The following MGAT4C variants were observed in gnomAD, a reference collection of about 807,000 sequenced individuals.
MGAT4C encodes alpha-1,3-mannosyl-glycoprotein 4-beta-N-acetylglucosaminyltransferase C.
A neutral mutation model predicts 40.1 loss-of-function variants in MGAT4C; 19 were observed. The ratio of observed to expected loss-of-function variants is 0.47; its 90% confidence interval spans 0.33 to 0.70. The LOEUF (loss-of-function observed/expected upper bound fraction) is 0.70. MGAT4C is among the 30% of genes least tolerant of loss of function. The probability of loss-of-function intolerance (pLI) is 0.02; values close to 1 mark genes in which losing one functional copy is unlikely to be tolerated. For missense variants in MGAT4C, 491 were observed against 563.2 expected (o/e 0.87, Z 1.30); for synonymous variants, 181 against 187.1 (o/e 0.97, Z 0.27).
rs75224953 is a variant in MGAT4C, at chr12:86,146,944, A to G, written c.-56-97221T>C. The stretch of plus-strand genomic sequence containing the variant: ...TATATTAAACTTCACCAACTCTGTA[A>G]AGTTTGGAAGTATTTCTACTGCACA... On this transcript the variant is annotated intron_variant, in intron 1 of 4. Transcript: ENST00000611864. Among the ~76,000 whole-genome samples, 1,167 of 152,216 alleles carry G rather than the reference A, an allele frequency of 7.7e-3. 10 individuals are homozygous for G. Among genetic ancestry groups the G allele is most frequent in the African/African-American group, 0.027 (1,124 of 41,544 alleles).
intron 1 of MGAT4C, among the ~76,000 whole-genome samples, chr12:86,161,322 C>G (rs1477976023): frequency 6.6e-6 from 1 of 151,940 alleles, no homozygotes; most frequent in Non-Finnish European, 1.5e-5. Flanking sequence ...CATAGACCAA[C>G]AGATCAGAAT....
At chr12:86,204,793 T>C (rs557865855) in intron 1 of MGAT4C, among the ~76,000 whole-genome samples, 3 of 152,236 alleles carry the variant, frequency 2.0e-5, no homozygotes, top group African/African-American at 4.8e-5. Context: ...TGTCAACATA[T>C]GTAAAGTGTC....
chr12:86,709,471 C>T (rs1950520224), intron 2 of MGAT4C, among the ~76,000 whole-genome samples: 1 of 151,948 alleles, frequency 6.6e-6, no homozygotes, highest in African/African-American at 2.4e-5. Flanking sequence ...TACTTAGACT[C>T]AAAGTATTAG....
chr12:86,127,915 G>A (rs1163114349), intron 1 of MGAT4C, among the ~76,000 whole-genome samples: 1 of 152,068 alleles, frequency 6.6e-6, no homozygotes, highest in African/African-American at 2.4e-5. Flanking sequence ...TCCAGAGACT[G>A]TTTCACAGTT....
intron 2 of MGAT4C, among the ~76,000 whole-genome samples, chr12:86,507,741 T>C (rs1958496031): frequency 6.6e-6 from 1 of 152,212 alleles, no homozygotes; most frequent in Admixed American, 6.5e-5. Context: ...ATTGTGGCAA[T>C]AGTTTACTGA....
At chr12:86,435,280 AG>A (rs1404793241) in intron 2 of MGAT4C, 3 of 151,950 alleles carry the variant, frequency 2.0e-5, no homozygotes. Context: ...ACAAAAAAAC[AG>A]TATAATTGGA....
chr12:86,831,081 C>A (rs147329599), intron 1 of MGAT4C, among the ~76,000 whole-genome samples: 1 of 151,690 alleles, frequency 6.6e-6, no homozygotes, highest in Non-Finnish European at 1.5e-5. Context: ...TCCAGCCCAC[C>A]CCCTGCCGAC....
intron 2 of MGAT4C, among the ~76,000 whole-genome samples, chr12:86,662,530 T>C (rs1233783310): frequency 6.6e-6 from 1 of 152,172 alleles, no homozygotes; most frequent in African/African-American, 2.4e-5. Flanking sequence ...AACAAATAAT[T>C]TTGTAATTAC....
chr12:86,072,131 T>C (rs1396375939), intron 1 of MGAT4C, among the ~76,000 whole-genome samples: 1 of 151,946 alleles, frequency 6.6e-6, no homozygotes, highest in Admixed American at 6.6e-5. Flanking sequence ...TTTGAGATAG[T>C]TGCCATGATT....
intron 2 of MGAT4C, among the ~76,000 whole-genome samples, chr12:86,016,895 C>T (rs756427094): frequency 6.6e-6 from 1 of 152,034 alleles, no homozygotes; most frequent in African/African-American, 2.4e-5. Context: ...GATTTGCTCT[C>T]TTATCAATTC....
chr12:86,780,121 T>G (rs998335982), intron 1 of MGAT4C, among the ~76,000 whole-genome samples: 4 of 152,102 alleles, frequency 2.6e-5, no homozygotes, highest in Admixed American at 2.6e-4. Context: ...TAATCACATT[T>G]TTTTAAATTT....
chr12:85,971,427 AT>A lies in MGAT4C; in HGVS notation c.*7861del, dbSNP rs889849038. On this transcript the variant is annotated 3_prime_UTR_variant, in exon 5 of 5. Coordinates refer to ENST00000611864, the MANE Select transcript of MGAT4C (RefSeq NM_001351288.2). ...TTGCTTTAACTTGAAGGACACTTATATTTTGTATCACTTTTGTAGCAAACAC... is the reference window on the plus strand; with the variant it reads ...TTGCTTTAACTTGAAGGACACTTATATTTGTATCACTTTTGTAGCAAACAC... 6.6e-6 allele frequency: 1 copy of A among 151,236 alleles called. No homozygotes were observed. Among genetic ancestry groups the A allele is most frequent in the African/African-American group, 2.4e-5 (1 of 41,366 alleles). The allele number at this position is 151,236 out of a possible 1,614,324, so 9.4% of individuals were successfully genotyped here. A position where few individuals can be genotyped will look rare whatever the true frequency, so the allele number is the denominator to read the frequency against.
At chr12:86,289,179 C>T (rs541012479) in intron 4 of MGAT4C, among the ~76,000 whole-genome samples, 37 of 152,240 alleles carry the variant, frequency 2.4e-4, no homozygotes, top group African/African-American at 8.4e-4. Context: ...CTCTCCATTT[C>T]CTGTTTTTGT....
At chr12:86,783,889 T>C (rs1381014371) in intron 1 of MGAT4C, among the ~76,000 whole-genome samples, 1 of 152,144 alleles carries the variant, frequency 6.6e-6, no homozygotes, top group Non-Finnish European at 1.5e-5. Flanking sequence ...CTGCTTACTA[T>C]GGGTGGAAGA....
intron 4 of MGAT4C, among the ~76,000 whole-genome samples, chr12:86,262,256 C>G (rs939558883): frequency 6.6e-6 from 1 of 152,016 alleles, no homozygotes; most frequent in Non-Finnish European, 1.5e-5. Flanking sequence ...TGCTTTCTAC[C>G]CATTCTTCCT....
At chr12:86,498,704 A>G (rs985159058) in intron 2 of MGAT4C, among the ~76,000 whole-genome samples, 2 of 151,926 alleles carry the variant, frequency 1.3e-5, no homozygotes, top group African/African-American at 4.8e-5. Context: ...TGTAGCAGGT[A>G]TCCACTTAAA....
chr12:86,621,082 C>A (rs191945857), intron 2 of MGAT4C, among the ~76,000 whole-genome samples: 200 of 151,940 alleles, frequency 1.3e-3, no homozygotes, highest in African/African-American at 4.5e-3. Context: ...CTACACTATA[C>A]CCTCTAAATC....
intron 2 of MGAT4C, among the ~76,000 whole-genome samples, chr12:86,581,378 T>C (rs1044690102): frequency 6.6e-6 from 1 of 151,496 alleles, no homozygotes; most frequent in Non-Finnish European, 1.5e-5. Flanking sequence ...GGAGTGATTC[T>C]GAATATTAGG....
At chr12:86,705,492 T>C (rs1950439834) in intron 2 of MGAT4C, among the ~76,000 whole-genome samples, 2 of 151,694 alleles carry the variant, frequency 1.3e-5, no homozygotes, top group African/African-American at 4.8e-5. Flanking sequence ...ACTGGTGGAG[T>C]TTAGGATGGA....
Sources: allele counts gnomAD v4.1 joint callset (sites outside exome capture counted in the v4.1 genomes callset), GRCh38; gene constraint gnomAD v4.1.1; transcripts MANE v1.5; gene names NCBI Gene and HGNC (gene_info 2026-07-23, HGNC 2026-07-21).